TNKS: variants seen among roughly 807,000 people sequenced by gnomAD.
TNKS encodes the protein tankyrase, also known as poly [ADP-ribose] polymerase tankyrase-1.
Under a neutral mutation model 135.8 loss-of-function variants are expected in TNKS, and 72 were observed. The ratio of observed to expected loss-of-function variants is 0.53; its 90% CI spans 0.44 to 0.64. The LOEUF (loss-of-function observed/expected upper bound fraction) is 0.64, where lower values mean the gene tolerates loss of function less well. Among genes scored for constraint, TNKS ranks in the 30% least tolerant of loss-of-function variants. The probability of loss-of-function intolerance (pLI) is 0.00; values close to 1 mark genes in which losing one functional copy is unlikely to be tolerated. For synonymous variants in TNKS, 849 were observed against 649.3 expected, an observed-to-expected ratio of 1.31 and a Z score of -4.68; for missense variants, 1,769 against 1,674.0, an observed-to-expected ratio of 1.06 and a Z score of -0.99.
intron 20 of TNKS, among the ~76,000 whole-genome samples, chr8:9,760,591 A>G (rs1807098832): frequency 6.6e-6 from 1 of 152,292 alleles, no homozygotes; most frequent in Non-Finnish European, 1.5e-5. Flanking sequence ...AGACTAGTAT[A>G]TGGATTGTCA....
chr8:9,641,061 C>A lies in TNKS; in HGVS notation c.994+25384C>A, dbSNP rs1462171211. ...TTTCTAACACCCATTTAATAAGATG[C>A]CCCACTGTTCTCCATGGTGTGTGTT... On this transcript the variant is annotated intron_variant, in intron 3 of 26. Transcript: ENST00000310430. Among the ~76,000 whole-genome samples the A allele has an allele frequency of 3.4e-5, 5 of 145,948 alleles. 1 individual carries two copies. In the Admixed American group the frequency reaches 3.6e-4, roughly 11 times the overall value.
intron 5 of TNKS, among the ~76,000 whole-genome samples, chr8:9,682,895 C>T (rs1300303002): frequency 1.3e-5 from 2 of 151,712 alleles, no homozygotes; most frequent in Non-Finnish European, 2.9e-5. Context: ...TTTTTAAGAA[C>T]GTACCTCAAG....
intron 21 of TNKS, among the ~76,000 whole-genome samples, chr8:9,762,640 C>G (rs1003913770): frequency 3.3e-5 from 5 of 152,108 alleles, no homozygotes; most frequent in African/African-American, 1.2e-4. Flanking sequence ...CAGTGGCTCA[C>G]GCCTGTAATC....
chr8:9,556,221 C>G lies in TNKS; in HGVS notation c.282C>G (p.Ser94Arg). The change falls in exon 1 of 27, where the codon AGC (serine) becomes AGG (arginine). Residue 94 changes from serine (S) to arginine (R), a missense_variant. By Grantham distance (110) the Ser-to-Arg change is moderately radical. Transcript: ENST00000310430. Reference protein sequence around the residue: ...VDGTSCCSTTSTICTVAAAPV... With the variant: ...VDGTSCCSTTRTICTVAAAPV... Reference sequence around the variant, plus strand: ...GTACCAGCTGTTGCAGTACCACCAGCACAATCTGTACCGTCGCCGCCGCTC... The same window carrying G: ...GTACCAGCTGTTGCAGTACCACCAGGACAATCTGTACCGTCGCCGCCGCTC... The G allele has an allele frequency of 1.9e-6, 3 of 1,614,200 alleles. No individual in the cohort carries two copies. Among genetic ancestry groups the G allele is most frequent in the Non-Finnish European group, 2.5e-6 (3 of 1,180,036 alleles).
intron 2 of TNKS, among the ~76,000 whole-genome samples, chr8:9,581,739 A>C (rs901108021): frequency 2.0e-5 from 3 of 152,152 alleles, no homozygotes; most frequent in Non-Finnish European, 4.4e-5. Flanking sequence ...TCCAGGCTTC[A>C]GTCTTCTGTT....
In TNKS at chr8:9,710,030, A is replaced by G; in HGVS notation, c.1654A>G (p.Asn552Asp). 1 of 1,614,046 alleles carries G rather than the reference A, an allele frequency of 6.2e-7. No homozygotes were observed. The highest frequency in any genetic ancestry group is 1.1e-5 in the South Asian group (1 of 91,084). The part of the protein sequence containing the change: ...ELLLRKGANV[N>D]EKNKDFMTPL... Reference sequence around the variant, plus strand: ...GTTACTTAGAAAAGGAGCAAATGTTAATGAAAAAAATAAAGAGTAAGTATA... The same window carrying G: ...GTTACTTAGAAAAGGAGCAAATGTTGATGAAAAAAATAAAGAGTAAGTATA... The change falls in exon 10 of 27, where the codon AAT (asparagine) becomes GAT (aspartate). Residue 552 changes from asparagine (N) to aspartate (D), a missense_variant. Physicochemically the swap from Asn to Asp is conservative, Grantham distance 23 (BLOSUM62 1). Around this residue, in one of 5 missense-constraint regions of TNKS, gnomAD observed 523 missense variants for 541.0 expected, o/e 0.97. Coordinates refer to ENST00000310430, the MANE Select transcript of TNKS (RefSeq NM_003747.3).
intron 3 of TNKS, among the ~76,000 whole-genome samples, chr8:9,678,878 G>C (rs1489782634): frequency 4.6e-5 from 7 of 152,008 alleles, no homozygotes; most frequent in Non-Finnish European, 1.0e-4. Flanking sequence ...GTAATTATTT[G>C]TTGAGATACT....
intron 4 of TNKS, among the ~76,000 whole-genome samples, 180 bp downstream of exon 4, chr8:9,680,167 G>A (rs976973708): frequency 6.6e-6 from 1 of 151,270 alleles, no homozygotes; most frequent in African/African-American, 2.4e-5. Context: ...CTTTTCATGT[G>A]GTGATGATTA....
chr8:9,637,204 A>G (rs1180238004), intron 3 of TNKS, among the ~76,000 whole-genome samples: 1 of 152,190 alleles, frequency 6.6e-6, no homozygotes. Context: ...TCAGTCCTAG[A>G]TAAGGAATGC....
At chr8:9,679,504 C>A (rs966816224) in intron 3 of TNKS, among the ~76,000 whole-genome samples, 2 of 151,976 alleles carry the variant, frequency 1.3e-5, no homozygotes, top group African/African-American at 2.4e-5. Flanking sequence ...CATGTCATTA[C>A]CAATAAAACT....
chr8:9,675,842 A>G (rs760927643), intron 3 of TNKS, among the ~76,000 whole-genome samples: 2 of 152,094 alleles, frequency 1.3e-5, no homozygotes, highest in Non-Finnish European at 2.9e-5. Context: ...AACTGCCTTG[A>G]CACCAATTTC....
At chr8:9,772,374 T>C (rs780057249) in intron 26 of TNKS, 27 of 455,394 alleles carry the variant, frequency 5.9e-5, no homozygotes, top group Non-Finnish European at 1.1e-4. Context: ...TCTAGGTGGA[T>C]ACTCTAAAGG....
chr8:9,741,803 C>G (rs763963303), intron 17 of TNKS: 1 of 468,228 alleles, frequency 2.1e-6, no homozygotes, highest in Non-Finnish European at 4.7e-6. Context: ...TTGAGGCTGA[C>G]TTGCTGTCAC....
intron 3 of TNKS, among the ~76,000 whole-genome samples, chr8:9,625,132 C>A (rs1039805727): frequency 6.6e-6 from 1 of 151,934 alleles, no homozygotes; most frequent in Non-Finnish European, 1.5e-5. Context: ...TTATTTATTT[C>A]TTCTTGTGTG....
At chr8:9,757,735 T>C (rs2128831559) in intron 20 of TNKS, among the ~76,000 whole-genome samples, 1 of 152,362 alleles carries the variant, frequency 6.6e-6, no homozygotes, top group East Asian at 1.9e-4. Flanking sequence ...CCCACTCTTT[T>C]ACTATCAGTT....
chr8:9,758,682 A>G (rs1806979066), intron 20 of TNKS, among the ~76,000 whole-genome samples: 1 of 152,200 alleles, frequency 6.6e-6, no homozygotes, highest in Non-Finnish European at 1.5e-5. Context: ...TCACCTGGCA[A>G]GGGCTGGGAC....
chr8:9,618,118 C>T (rs1323169162), intron 3 of TNKS, among the ~76,000 whole-genome samples: 1 of 151,762 alleles, frequency 6.6e-6, no homozygotes, highest in African/African-American at 2.4e-5. Context: ...TCCCGAGTAG[C>T]TGGGACTACA....
intron 5 of TNKS, among the ~76,000 whole-genome samples, chr8:9,691,149 C>T (rs1423340640): frequency 6.6e-6 from 1 of 152,188 alleles, no homozygotes; most frequent in Non-Finnish European, 1.5e-5. Context: ...GTTGAAGTAA[C>T]TGCAGGGGAG....
intron 3 of TNKS, among the ~76,000 whole-genome samples, chr8:9,664,987 C>A (rs13280515): frequency 0.12 from 17,510 of 152,162 alleles, 1,212 homozygotes; most frequent in Admixed American, 0.22. Context: ...AATATAGTAA[C>A]TTCTTTTTGG....
Sources: allele counts gnomAD v4.1 joint callset (sites outside exome capture counted in the v4.1 genomes callset), GRCh38; gene constraint gnomAD v4.1.1; regional missense constraint gnomAD v4.1.1; transcripts MANE v1.5; gene names NCBI Gene and HGNC (gene_info 2026-07-23, HGNC 2026-07-21).